The following SPG21 variants were observed in gnomAD, a reference collection of about 807,000 sequenced individuals.
SPG21 encodes the protein SPG21 abhydrolase domain containing, maspardin, also known as maspardin.
In SPG21, 26 loss-of-function variants were observed where a neutral mutation model predicts 38.9. The observed-to-expected ratio is 0.67, with a 90% CI of 0.49 to 0.93. The LOEUF is 0.93. SPG21 is among the 40% of genes least tolerant of loss of function. The pLI, the probability that SPG21 is intolerant of heterozygous loss-of-function variation, is 0.00. For missense variants in SPG21, 333 were observed against 376.5 expected (o/e 0.88, Z 0.96); for synonymous variants, 136 against 128.9 (o/e 1.05, Z -0.37).
intron 1 of SPG21, among the ~76,000 whole-genome samples, chr15:64,986,841 C>A (rs796759803): frequency 4.3e-4 from 66 of 152,308 alleles, no homozygotes; most frequent in African/African-American, 1.6e-3. Flanking sequence ...TCTACCTGGA[C>A]AGACTTGAAA....
At chr15:64,980,089 T>C (rs1191565172) in intron 3 of SPG21, among the ~76,000 whole-genome samples, 2 of 152,188 alleles carry the variant, frequency 1.3e-5, no homozygotes, top group Non-Finnish European at 2.9e-5. Context: ...ACTTGTATGT[T>C]AGCAAATCCC....
At chr15:64,969,211 A>C (rs2085610232) in intron 7 of SPG21, 44 bp downstream of exon 7, 1 of 1,305,038 alleles carries the variant, frequency 7.7e-7, no homozygotes, top group Non-Finnish European at 1.1e-6. Context: ...TGACATACAC[A>C]TTTTAAAAAG....
chr15:64,967,284 A>T (rs191812624), intron 7 of SPG21, among the ~76,000 whole-genome samples: 13 of 151,568 alleles, frequency 8.6e-5, no homozygotes, highest in East Asian at 7.7e-4. Context: ...AAAAATAAAT[A>T]AAAAAAAATT....
chr15:64,982,738 T>C (rs779747345), intron 2 of SPG21, among the ~76,000 whole-genome samples: 1 of 152,198 alleles, frequency 6.6e-6, no homozygotes, highest in Admixed American at 6.5e-5. Context: ...TATAAGTGTT[T>C]TGGGTTTTCA....
intron 4 of SPG21, 111 bp from the exon 5 acceptor site, chr15:64,974,858 AAT>A: frequency 8.6e-7 from 1 of 1,160,506 alleles, no homozygotes; most frequent in Non-Finnish European, 1.3e-6. Context: ...ATCACTAGCC[AAT>A]AGACTAAAAT....
chr15:64,966,906 CAA>C, intron 7 of SPG21, among the ~76,000 whole-genome samples: 1 of 420 alleles, frequency 2.4e-3, no homozygotes. Flanking sequence ...CTCAAAAAAA[CAA>C]AAACAAAAAC....
At chr15:64,977,805 G>A (rs531001219) in intron 3 of SPG21, among the ~76,000 whole-genome samples, 7 of 151,906 alleles carry the variant, frequency 4.6e-5, no homozygotes, top group Non-Finnish European at 1.0e-4. Context: ...AGGGACTCAG[G>A]TTTGTCCCCT....
chr15:64,989,622 T>C (rs1327462842), intron 1 of SPG21, 43 bp downstream of exon 1: 1 of 153,390 alleles, frequency 6.5e-6, no homozygotes, highest in Non-Finnish European at 1.5e-5. Context: ...CAACCCCGCA[T>C]ACCGCACACC....
chr15:64,966,500 CTA>C (rs1434463698), intron 7 of SPG21, among the ~76,000 whole-genome samples: 2 of 152,086 alleles, frequency 1.3e-5, no homozygotes, highest in Admixed American at 1.3e-4. Flanking sequence ...AAAGCTTGTT[CTA>C]TGTTATGGCA....
intron 3 of SPG21, among the ~76,000 whole-genome samples, chr15:64,978,715 A>G (rs1382712967): frequency 6.6e-6 from 1 of 152,220 alleles, no homozygotes; most frequent in African/African-American, 2.4e-5. Flanking sequence ...AGCCTAAAAG[A>G]AAGGGGATGA....
chr15:64,967,547 C>T (rs1000948857), intron 7 of SPG21, among the ~76,000 whole-genome samples: 6 of 151,666 alleles, frequency 4.0e-5, no homozygotes, highest in Non-Finnish European at 7.4e-5. Context: ...GATCTCAGCT[C>T]ACTGCAACCT....
intron 1 of SPG21, among the ~76,000 whole-genome samples, chr15:64,988,085 G>A (rs1164211698): frequency 6.6e-6 from 1 of 151,830 alleles, no homozygotes; most frequent in African/African-American, 2.4e-5. Context: ...AGCTGGGCGC[G>A]GTGATGGGCT....
At chr15:64,965,805 G>C (rs1036516718) in intron 7 of SPG21, among the ~76,000 whole-genome samples, 2 of 151,586 alleles carry the variant, frequency 1.3e-5, no homozygotes, top group African/African-American at 4.9e-5. Flanking sequence ...GGGCTCAAGT[G>C]ATTCTCCTGC....
chr15:64,974,090 A>T (rs2085727218), intron 5 of SPG21, among the ~76,000 whole-genome samples: 1 of 150,812 alleles, frequency 6.6e-6, no homozygotes. Flanking sequence ...AACAAAATTT[A>T]AAAATTTAAG....
In SPG21 at chr15:64,983,584, G is replaced by A; in HGVS notation, c.-15C>T. ...ATCTCTCCCATGATTAGCTGAAATG[G>A]AGGTTAATCCTGAAATAAAAGCATG... On this transcript the variant is annotated 5_prime_UTR_variant, in exon 2 of 9. Coordinates refer to ENST00000204566, the MANE Select transcript of SPG21 (RefSeq NM_016630.7). The A allele has an allele frequency of 6.4e-7, 1 of 1,554,510 alleles. No individual in the cohort carries two copies. Among genetic ancestry groups the A allele is most frequent in the Non-Finnish European group, 8.8e-7 (1 of 1,141,834 alleles).
At chr15:64,964,442 A>T (rs1285257481) in intron 8 of SPG21, among the ~76,000 whole-genome samples, 1 of 151,978 alleles carries the variant, frequency 6.6e-6, no homozygotes. Flanking sequence ...CTATAAGGGG[A>T]TGACAGGATC....
At chr15:64,981,152 CA>C (rs1470612467) in intron 2 of SPG21, 127 bp from the exon 3 acceptor site, 3 of 1,117,822 alleles carry the variant, frequency 2.7e-6, no homozygotes, top group Non-Finnish European at 3.9e-6. Flanking sequence ...ACCTGGAGCT[CA>C]CACCAGATTA....
chr15:64,969,204 C>T, intron 7 of SPG21, 51 bp downstream of exon 7: 1 of 1,212,440 alleles, frequency 8.2e-7, no homozygotes, highest in Non-Finnish European at 1.2e-6. Flanking sequence ...GAGATCTTGA[C>T]ATACACATTT....
intron 5 of SPG21, among the ~76,000 whole-genome samples, chr15:64,974,286 G>A (rs1234099139): frequency 6.6e-6 from 1 of 152,142 alleles, no homozygotes; most frequent in East Asian, 1.9e-4. Flanking sequence ...GGGACAACAT[G>A]GCAAAACCTC....
Sources: allele counts gnomAD v4.1 joint callset (sites outside exome capture counted in the v4.1 genomes callset), GRCh38; gene constraint gnomAD v4.1.1; transcripts MANE v1.5; gene names NCBI Gene and HGNC (gene_info 2026-07-23, HGNC 2026-07-21).